The following WWOX variants were observed in gnomAD, a reference collection of about 807,000 sequenced individuals.
WWOX encodes WW domain containing oxidoreductase, also known as WW domain-containing oxidoreductase.
In WWOX, 69 loss-of-function variants were observed where a neutral mutation model predicts 46.2. The observed-to-expected ratio is 1.49, with a 90% CI of 1.23 to 1.82. The LOEUF is 1.82. WWOX is among the 40% of genes most tolerant of loss of function. The pLI is 0.00. For synonymous variants in WWOX, 359 were observed against 202.6 expected (o/e 1.77, Z -6.56); for missense variants, 919 against 542.6 (o/e 1.69, Z -6.89).
chr16:78,799,625 G>GC (rs11428318), intron 8 of WWOX, among the ~76,000 whole-genome samples: 152,106 of 152,190 alleles, frequency 1, 76,011 homozygotes, highest in East Asian at 1. Context: ...GCTTTGGACG[G>GC]CCCCCTGAAC....
chr16:78,968,521 A>T (rs78696444), intron 8 of WWOX, among the ~76,000 whole-genome samples: 5,467 of 152,308 alleles, frequency 0.036, 344 homozygotes, highest in African/African-American at 0.12. Flanking sequence ...CATCACAAGC[A>T]ACGGGACATT....
intron 8 of WWOX, among the ~76,000 whole-genome samples, chr16:78,566,427 G>C (rs1281445857): frequency 2.0e-5 from 3 of 152,180 alleles, no homozygotes; most frequent in Admixed American, 6.5e-5. Flanking sequence ...GGCTTTCTGA[G>C]TTCTGCCAAA....
At chr16:78,400,621 A>AGGAG (rs913701656) in intron 6 of WWOX, among the ~76,000 whole-genome samples, 17 of 152,086 alleles carry the variant, frequency 1.1e-4, no homozygotes, top group African/African-American at 1.9e-4. Context: ...TACCATCCTA[A>AGGAG]GGAGGGAGGG....
Position 78,993,706 on chromosome 16 carries a change from C to T in WWOX, c.1057-217902C>T, listed in dbSNP as rs528472658. ...CTGCCACGGGGGGACAGGAAACACA[C>T]AGGGGCTCCAGCAATCTGCCTGGTG... On this transcript the variant is annotated intron_variant, in intron 8 of 8. Transcript: ENST00000566780. 3.3e-5 allele frequency among the ~76,000 whole-genome samples: 5 copies of T among 152,232 alleles called. No individual in the cohort carries two copies. The South Asian group carries it at 1.0e-3, about 31-fold the overall frequency.
At chr16:78,620,062 C>G (rs907278389) in intron 8 of WWOX, among the ~76,000 whole-genome samples, 9 of 152,250 alleles carry the variant, frequency 5.9e-5, no homozygotes, top group Middle Eastern at 3.4e-3. Flanking sequence ...AATGGAAGAT[C>G]ATCTCTAATT....
intron 8 of WWOX, among the ~76,000 whole-genome samples, chr16:78,672,355 A>C (rs530149970): frequency 6.6e-6 from 1 of 152,214 alleles, no homozygotes; most frequent in Non-Finnish European, 1.5e-5. Context: ...TTTGCACTCT[A>C]TAGCCAAGTG....
At chr16:78,881,540 TGG>T (rs2044343776) in intron 8 of WWOX, among the ~76,000 whole-genome samples, 1 of 152,218 alleles carries the variant, frequency 6.6e-6, no homozygotes. Context: ...GGATCCTTGC[TGG>T]AATAGTCTCT....
At chr16:79,075,991 G>A (rs913883889) in intron 8 of WWOX, among the ~76,000 whole-genome samples, 1 of 152,154 alleles carries the variant, frequency 6.6e-6, no homozygotes, top group Non-Finnish European at 1.5e-5. Context: ...TAAAAATAAA[G>A]TATTTGTTGA....
At chr16:78,759,280 C>G (rs1567541166) in intron 8 of WWOX, among the ~76,000 whole-genome samples, 1 of 152,170 alleles carries the variant, frequency 6.6e-6, no homozygotes, top group Non-Finnish European at 1.5e-5. Flanking sequence ...AGGGAAATAA[C>G]AGGATGCCAT....
intron 6 of WWOX, among the ~76,000 whole-genome samples, chr16:78,416,842 CA>C (rs1299852614): frequency 1.3e-5 from 2 of 152,178 alleles, no homozygotes; most frequent in East Asian, 3.9e-4. Flanking sequence ...TTACTTCTCA[CA>C]ACCATGGGAG....
At chr16:78,108,963 C>A (rs565816251) in intron 2 of WWOX, among the ~76,000 whole-genome samples, 1 of 152,112 alleles carries the variant, frequency 6.6e-6, no homozygotes, top group East Asian at 1.9e-4. Flanking sequence ...GCTCCAGCCT[C>A]GGTGACAGAG....
At chr16:78,324,890 A>G (rs1366708382) in intron 5 of WWOX, among the ~76,000 whole-genome samples, 1 of 152,220 alleles carries the variant, frequency 6.6e-6, no homozygotes, top group South Asian at 2.1e-4. Flanking sequence ...TCATTGAATT[A>G]TACAATTTTA....
At chr16:78,994,668 C>G (rs532074550) in intron 8 of WWOX, among the ~76,000 whole-genome samples, 1 of 152,206 alleles carries the variant, frequency 6.6e-6, no homozygotes, top group Admixed American at 6.5e-5. Flanking sequence ...AGCCCAATCG[C>G]GTCACACTGT....
chr16:78,432,801 C>G, intron 8 of WWOX, 49 bp downstream of exon 8: 2 of 1,613,428 alleles, frequency 1.2e-6, no homozygotes, highest in Non-Finnish European at 1.7e-6. Flanking sequence ...CCTAGAGAAA[C>G]CTGCACACTT....
chr16:78,620,708 T>G (rs2046158607), intron 8 of WWOX, among the ~76,000 whole-genome samples: 1 of 152,204 alleles, frequency 6.6e-6, no homozygotes, highest in Non-Finnish European at 1.5e-5. Context: ...TTTTCCTTTT[T>G]GCACAGCGAT....
chr16:78,475,131 A>G (rs889137166), intron 8 of WWOX, among the ~76,000 whole-genome samples: 1 of 152,200 alleles, frequency 6.6e-6, no homozygotes, highest in South Asian at 2.1e-4. Context: ...CTCCCTCAAT[A>G]TAGCTGTAGG....
chr16:78,392,349 C>G (rs947581644), intron 6 of WWOX, among the ~76,000 whole-genome samples: 1 of 152,110 alleles, frequency 6.6e-6, no homozygotes, highest in African/African-American at 2.4e-5. Context: ...TCACTGCCTC[C>G]CATCACCTTC....
intron 8 of WWOX, among the ~76,000 whole-genome samples, chr16:78,956,749 A>T (rs1042913670): frequency 6.6e-6 from 1 of 152,144 alleles, no homozygotes; most frequent in African/African-American, 2.4e-5. Context: ...CACAAACAAG[A>T]AATTTGGGAT....
chr16:79,160,452 C>A (rs1035129515), intron 8 of WWOX, among the ~76,000 whole-genome samples: 12 of 152,020 alleles, frequency 7.9e-5, no homozygotes, highest in Admixed American at 5.2e-4. Context: ...AAACAGAGAT[C>A]AGATGAACCC....
Sources: gnomAD v4.1 joint callset for allele counts (sites outside exome capture counted in the v4.1 genomes callset) on GRCh38, gnomAD v4.1.1 for gene constraint, MANE v1.5 for transcripts, NCBI Gene and HGNC (gene_info 2026-07-23, HGNC 2026-07-21) for gene names.